Variants in MROH1 observed in about 807,000 individuals in gnomAD.
MROH1 encodes maestro heat like repeat family member 1.
MROH1 carries 117 observed loss-of-function variants against 116.5 expected under a neutral mutation model. The ratio of observed to expected loss-of-function variants is 1.00; its 90% CI spans 0.86 to 1.17. MROH1 has a LOEUF of 1.17. Among genes scored for constraint, MROH1 ranks in the 50% most tolerant of loss-of-function variants. MROH1 has a pLI of 0.00. For synonymous variants in MROH1, 921 were observed against 583.9 expected, an observed-to-expected ratio of 1.58 and a Z score of -8.32; for missense variants, 1,873 against 1,338.5, an observed-to-expected ratio of 1.40 and a Z score of -6.23.
Position 144,243,570 on chromosome 8 carries a change from G to A in MROH1, c.2429G>A (p.Gly810Asp). 2.6e-6 allele frequency: 2 copies of A among 780,112 alleles called. No homozygotes were observed. The highest frequency in any genetic ancestry group is 4.8e-6 in the Non-Finnish European group (2 of 417,830). The allele number at this position is 780,112 out of a possible 1,614,324, so 48.3% of individuals were successfully genotyped here. A position where few individuals can be genotyped will look rare whatever the true frequency, so the allele number is the denominator to read the frequency against. Residue 810 changes from glycine (G) to aspartate (D), a missense_variant, in exon 25 of 44, where the codon GGC becomes GAC. Physicochemically the swap from Gly to Asp is moderately conservative, Grantham distance 94. Coordinates refer to ENST00000326134, the MANE Select transcript of MROH1 (RefSeq NM_032450.3). ...SRAICSSTQA[G>D]SFHFTRKAEL... is the part of the protein sequence containing the mutation. Reference sequence around the variant, plus strand: ...GCCATCTGCAGCAGCACCCAGGCTGGCTCCTTCCACTTCACCCGGAAAGCA... The same window carrying A: ...GCCATCTGCAGCAGCACCCAGGCTGACTCCTTCCACTTCACCCGGAAAGCA...
At chr8:144,242,899 G>A (rs913261224) in intron 24 of MROH1, among the ~76,000 whole-genome samples, 62 of 143,006 alleles carry the variant, frequency 4.3e-4, no homozygotes, top group Middle Eastern at 3.5e-3. Flanking sequence ...AGCCCCACCC[G>A]TCCCAGGACA....
chr8:144,152,556 T>C (rs1817068258), intron 1 of MROH1, among the ~76,000 whole-genome samples: 1 of 121,164 alleles, frequency 8.3e-6, no homozygotes, highest in South Asian at 2.1e-4. Context: ...ATTATTATTA[T>C]TTTTTTTTTT....
chr8:144,175,068 G>T lies in MROH1; in HGVS notation c.169-4387G>T, dbSNP rs559563992. 20 of 985,466 alleles carry T rather than the reference G, an allele frequency of 2.0e-5. 1 individual carries two copies. The East Asian group carries it at 7.9e-4, about 39-fold the overall frequency. The allele number at this position is 985,466 out of a possible 1,614,324, so 61.0% of individuals were successfully genotyped here. On this transcript the variant is annotated intron_variant, in intron 4 of 43. Transcript: ENST00000326134. ...AGAGAATTAGTAGCTAAAGATGGAA[G>T]CATAATGCAACTTGAGATGTGTTTC...
At chr8:144,188,406 G>A (rs1827727719) in intron 7 of MROH1, among the ~76,000 whole-genome samples, 1 of 150,554 alleles carries the variant, frequency 6.6e-6, no homozygotes, top group Non-Finnish European at 1.5e-5. Context: ...TTCAGCCCAG[G>A]GGGGCCTCAC....
At chr8:144,172,256 G>T (rs1391965332) in intron 4 of MROH1, among the ~76,000 whole-genome samples, 3 of 152,076 alleles carry the variant, frequency 2.0e-5, no homozygotes, top group Non-Finnish European at 2.9e-5. Context: ...CACCTTTAAG[G>T]TCTGAAAAGA....
Position 144,250,206 on chromosome 8 carries a change from C to G in MROH1, c.3274-6C>G. Reference sequence around the variant, plus strand: ...GGCCTGACCACCGTGTCCCGCCCATCTACAGGTGCCCGAGATCGTGAGCGT... The same window carrying G: ...GGCCTGACCACCGTGTCCCGCCCATGTACAGGTGCCCGAGATCGTGAGCGT... On this transcript the variant is annotated splice_polypyrimidine_tract_variant and splice_region_variant and intron_variant, in intron 32 of 43. Transcript: ENST00000326134. 2.6e-6 allele frequency: 2 copies of G among 765,988 alleles called. No individual in the cohort carries two copies. The highest frequency in any genetic ancestry group is 3.4e-5 in the Admixed American group (2 of 58,702). 47.4% of individuals were successfully genotyped at this position (765,988 alleles called of 1,614,324 possible).
chr8:144,180,033 A>G lies in MROH1; in HGVS notation c.301-145A>G, dbSNP rs1364076646. ...GGGGTCTCCTCAGCAGCCCCTCAGC[A>G]GAGGAGGCTGTGCCCGCCACCTTCC... On this transcript the variant is annotated intron_variant, in intron 5 of 43. Transcript: ENST00000326134. This position sits in a 1 kb window ranked among gnomAD's most constrained non-coding sequence, Gnocchi z 7.4. 7.6e-6 allele frequency: 7 copies of G among 915,282 alleles called. No individual in the cohort carries two copies. The highest frequency in any genetic ancestry group is 1.2e-5 in the Non-Finnish European group (7 of 591,994). 56.7% of individuals were successfully genotyped at this position (915,282 alleles called of 1,614,324 possible).
At chr8:144,153,077 A>G (rs1330595133) in intron 1 of MROH1, among the ~76,000 whole-genome samples, 2 of 151,666 alleles carry the variant, frequency 1.3e-5, no homozygotes, top group Non-Finnish European at 2.9e-5. Flanking sequence ...TAGGAGTTCA[A>G]CTCTTCATAG....
chr8:144,165,849 C>A (rs1166433895), intron 3 of MROH1, among the ~76,000 whole-genome samples: 1 of 149,552 alleles, frequency 6.7e-6, no homozygotes, highest in Non-Finnish European at 1.5e-5. Flanking sequence ...CTGGGATTAT[C>A]AGCAGGAGCC....
At chr8:144,234,498 G>GTTTTTGTTTTTTTTTTTTTTTTTTT (rs1839621583) in intron 14 of MROH1, among the ~76,000 whole-genome samples, 9 of 18,102 alleles carry the variant, frequency 5.0e-4, no homozygotes, top group Non-Finnish European at 8.6e-4. Flanking sequence ...TTTCTTTTTC[G>GTTTTTGTTTTTTTTTTTTTTTTTTT]TTTTTTTTTT....
intron 14 of MROH1, among the ~76,000 whole-genome samples, chr8:144,223,497 C>G (rs1837230242): frequency 6.6e-6 from 1 of 152,158 alleles, no homozygotes. Flanking sequence ...CGCCTCAGCC[C>G]CCCAAGACTA....
intron 33 of MROH1, among the ~76,000 whole-genome samples, chr8:144,253,742 T>C (rs1843223004): frequency 6.6e-6 from 1 of 152,018 alleles, no homozygotes; most frequent in Non-Finnish European, 1.5e-5. Flanking sequence ...TGAGAATGTC[T>C]TTATTTGGCC....
chr8:144,241,165 G>A lies in MROH1; in HGVS notation c.2055+54G>A, dbSNP rs890307494. On this transcript the variant is annotated intron_variant, in intron 21 of 43. Transcript: ENST00000326134. ...AGACACCCCAGGGCTGGAGGACGGT[G>A]GCACCTGCTGTTCTCTGAGGCAGCT... is the stretch of plus-strand genomic sequence containing the variant. 6.2e-4 allele frequency: 448 copies of A among 718,158 alleles called. 1 individual carries two copies. The African/African-American group carries it at 6.9e-3, about 11-fold the overall frequency. The allele number at this position is 718,158 out of a possible 1,614,324, so 44.5% of individuals were successfully genotyped here.
At chr8:144,194,467 A>G (rs1829359567) in intron 10 of MROH1, among the ~76,000 whole-genome samples, 2 of 152,192 alleles carry the variant, frequency 1.3e-5, no homozygotes, top group Admixed American at 1.3e-4. Flanking sequence ...GTGTTAGGCA[A>G]TTCCCTGTAA....
At chr8:144,191,224 C>T (rs1485076664) in intron 8 of MROH1, among the ~76,000 whole-genome samples, 1 of 152,170 alleles carries the variant, frequency 6.6e-6, no homozygotes, top group African/African-American at 2.4e-5. Flanking sequence ...CGCCTGCCAC[C>T]ACTCCCGGCT....
chr8:144,206,713 C>T (rs553004114), intron 12 of MROH1, among the ~76,000 whole-genome samples: 52 of 150,402 alleles, frequency 3.5e-4, no homozygotes, highest in African/African-American at 1.2e-3. Context: ...CATGAGCCAC[C>T]GTGCCTGGCC....
At chr8:144,235,351 TAA>T (rs1839876249) in intron 14 of MROH1, among the ~76,000 whole-genome samples, 1 of 152,252 alleles carries the variant, frequency 6.6e-6, no homozygotes, top group African/African-American at 2.4e-5. Flanking sequence ...GCGTTTTATT[TAA>T]TTTCCTTGCT....
chr8:144,239,666 G>T lies in MROH1; in HGVS notation c.1685G>T (p.Arg562Leu). 1.3e-6 allele frequency: 1 copy of T among 761,648 alleles called. No individual in the cohort carries two copies. Among genetic ancestry groups the T allele is most frequent in the East Asian group, 2.5e-5 (1 of 40,352 alleles). The allele number at this position is 761,648 out of a possible 1,614,324, so 47.2% of individuals were successfully genotyped here. Reference sequence around the variant, plus strand: ...GACGGACGTGGGGCAGCGGCGCTGCGCCTCCTCAGTGTTCTGCACCCAAAC... The same window carrying T: ...GACGGACGTGGGGCAGCGGCGCTGCTCCTCCTCAGTGTTCTGCACCCAAAC... Reference protein sequence around the residue: ...LGDGRGAAALRLLSVLHPNIH... With the variant: ...LGDGRGAAALLLLSVLHPNIH... The change falls in exon 18 of 44, where the codon CGC (arginine) becomes CTC (leucine). Residue 562 changes from arginine to leucine, a missense_variant. Coordinates refer to ENST00000326134, the MANE Select transcript of MROH1 (RefSeq NM_032450.3).
At chr8:144,193,444 A>G (rs955706486) in intron 10 of MROH1, among the ~76,000 whole-genome samples, 13 of 152,260 alleles carry the variant, frequency 8.5e-5, no homozygotes, top group African/African-American at 3.1e-4. Flanking sequence ...GAAAAGATCC[A>G]GAGCTACCTC....
Sources: allele counts gnomAD v4.1 joint callset (sites outside exome capture counted in the v4.1 genomes callset), GRCh38; gene constraint gnomAD v4.1.1; non-coding constraint Gnocchi (gnomAD v3.1); transcripts MANE v1.5; gene names NCBI Gene and HGNC (gene_info 2026-07-23, HGNC 2026-07-21).